Variants in LPP observed in about 807,000 individuals in gnomAD.
The protein encoded by LPP is lipoma-preferred partner.
A neutral mutation model predicts 60.4 loss-of-function variants in LPP; 38 were observed. That is an observed-to-expected ratio of 0.63 (90% CI 0.49 to 0.83). The LOEUF is 0.83. Ranked by LOEUF, LPP falls within the 40% of genes least tolerant of loss-of-function variation. The pLI is 0.00. For missense variants in LPP, 902 were observed against 783.6 expected, an observed-to-expected ratio of 1.15 and a Z score of -1.80; for synonymous variants, 328 against 290.8, an observed-to-expected ratio of 1.13 and a Z score of -1.30.
chr3:188,485,462 G>A (rs2149682205), intron 5 of LPP, among the ~76,000 whole-genome samples: 1 of 152,302 alleles, frequency 6.6e-6, no homozygotes, highest in South Asian at 2.1e-4. Flanking sequence ...AAAAAAATGA[G>A]TCTTCTTTGT....
rs1770113252 is a variant in LPP, at chr3:188,882,197, A to G, written c.*7718A>G. On this transcript the variant is annotated 3_prime_UTR_variant, in exon 12 of 12. Transcript: ENST00000617246. ...CAGTGACATTAGTAAGACTTTATGG[A>G]GTACATAAAATTTGATAAGAAATCT... 1 of 215,496 alleles carries G rather than the reference A, an allele frequency of 4.6e-6. No homozygotes were observed. 13.3% of individuals were successfully genotyped at this position (215,496 alleles called of 1,614,324 possible).
chr3:188,496,837 G>A (rs1011001175), intron 5 of LPP, among the ~76,000 whole-genome samples: 3 of 152,060 alleles, frequency 2.0e-5, no homozygotes, highest in African/African-American at 7.2e-5. Flanking sequence ...GCACTGTGGT[G>A]GAAAATACAG....
intron 1 of LPP, among the ~76,000 whole-genome samples, chr3:188,220,661 C>A (rs980139776): frequency 6.6e-6 from 1 of 152,198 alleles, no homozygotes; most frequent in African/African-American, 2.4e-5. Flanking sequence ...AGCCTGTCTC[C>A]AGACCAGCTT....
chr3:188,653,262 C>T (rs1382369799), intron 7 of LPP, among the ~76,000 whole-genome samples: 1 of 152,184 alleles, frequency 6.6e-6, no homozygotes, highest in Non-Finnish European at 1.5e-5. Flanking sequence ...CATCACAGGA[C>T]TTCCCTCATT....
chr3:188,318,002 C>CTCT (rs1380100673), intron 2 of LPP, among the ~76,000 whole-genome samples: 1 of 152,118 alleles, frequency 6.6e-6, no homozygotes, highest in African/African-American at 2.4e-5. Context: ...GGAGGACAGG[C>CTCT]AGACACAAAT....
intron 7 of LPP, among the ~76,000 whole-genome samples, chr3:188,630,663 G>A (rs113748268): frequency 0.012 from 1,792 of 152,232 alleles, 30 homozygotes; most frequent in African/African-American, 0.04. Context: ...TGGTGCAAAA[G>A]TAATTGTGGT....
chr3:188,527,950 T>C (rs1340840816), intron 6 of LPP, among the ~76,000 whole-genome samples: 1 of 152,058 alleles, frequency 6.6e-6, no homozygotes, highest in East Asian at 1.9e-4. Context: ...ATCTACTTTA[T>C]AAAAAATCCT....
intron 9 of LPP, among the ~76,000 whole-genome samples, chr3:188,849,103 C>G (rs1762166332): frequency 6.6e-6 from 1 of 152,224 alleles, no homozygotes; most frequent in South Asian, 2.1e-4. Flanking sequence ...GTGAGCGAGG[C>G]CCAGCTTTCT....
chr3:188,554,159 A>T (rs1255979874), intron 6 of LPP: 1 of 152,106 alleles, frequency 6.6e-6, no homozygotes, highest in Non-Finnish European at 1.5e-5. Flanking sequence ...TTTTTAAAAA[A>T]AAGAAAGATT....
At chr3:188,171,158 A>G (rs1361438996) in intron 1 of LPP, among the ~76,000 whole-genome samples, 1 of 152,218 alleles carries the variant, frequency 6.6e-6, no homozygotes, top group Non-Finnish European at 1.5e-5. Flanking sequence ...CCTTTTAACT[A>G]GAAAATGTTG....
chr3:188,181,740 G>A (rs1405802939), intron 1 of LPP, among the ~76,000 whole-genome samples: 1 of 152,068 alleles, frequency 6.6e-6, no homozygotes, highest in Non-Finnish European at 1.5e-5. Flanking sequence ...TTACTTTTTA[G>A]AGACAGGGTC....
At position 188,609,719 on chromosome 3, in the gene LPP, C is replaced by T; in HGVS notation, c.988C>T (p.Pro330Ser). 1 of 1,614,088 alleles carries T rather than the reference C, an allele frequency of 6.2e-7. No individual in the cohort carries two copies. The highest frequency in any genetic ancestry group is 2.2e-5 in the East Asian group (1 of 44,874). ...QGHPNTWKRE[P>S]GYTPPGAGNQ... ...TCACCCAAATACCTGGAAACGGGAA[C>T]CAGGGTACACTCCTCCTGGAGCAGG... Residue 330 changes from proline to serine, a missense_variant, in exon 7 of 12, where the codon CCA becomes TCA. Pro to Ser is a moderately conservative substitution (Grantham distance 74). Transcript: ENST00000617246. This position sits in a 1 kb window ranked among gnomAD's most constrained non-coding sequence, Gnocchi z 6.9.
intron 1 of LPP, among the ~76,000 whole-genome samples, chr3:188,196,672 T>G (rs1729629233): frequency 6.6e-6 from 1 of 152,220 alleles, no homozygotes; most frequent in African/African-American, 2.4e-5. Flanking sequence ...TTTAAAATCC[T>G]TCAATGCTTT....
chr3:188,541,170 GACGCTAAAGCATGTA>G (rs1423717277), intron 6 of LPP, among the ~76,000 whole-genome samples: 69 of 152,294 alleles, frequency 4.5e-4, no homozygotes, highest in Admixed American at 1.0e-3. Flanking sequence ...CACCTACCCA[GACGCTAAAGCATGTA>G]AAGCAATAGT....
intron 5 of LPP, among the ~76,000 whole-genome samples, chr3:188,495,083 T>TATATATATATATATATATATTTATTTA (rs57578460): frequency 3.9e-5 from 3 of 77,790 alleles, no homozygotes; most frequent in African/African-American, 2.6e-4. Flanking sequence ...TATATATATA[T>TATATATATATATATATATATTTATTTA]TTTATTTATA....
At chr3:188,202,051 G>C (rs559442802) in intron 1 of LPP, among the ~76,000 whole-genome samples, 2 of 151,582 alleles carry the variant, frequency 1.3e-5, no homozygotes, top group Non-Finnish European at 2.9e-5. Context: ...TAGAAGCTTC[G>C]GTCCCGGTTG....
At chr3:188,554,268 T>G (rs562949634) in intron 6 of LPP, among the ~76,000 whole-genome samples, 2 of 152,246 alleles carry the variant, frequency 1.3e-5, no homozygotes, top group East Asian at 3.9e-4. Context: ...AAACCTTCTA[T>G]CCCCTACTTT....
At chr3:188,648,995 C>G (rs1851599563) in intron 7 of LPP, among the ~76,000 whole-genome samples, 2 of 152,198 alleles carry the variant, frequency 1.3e-5, no homozygotes, top group Non-Finnish European at 2.9e-5. Context: ...GATTCTAATT[C>G]TGGCATATGA....
At chr3:188,705,996 G>A (rs1026745600) in intron 7 of LPP, among the ~76,000 whole-genome samples, 1 of 152,172 alleles carries the variant, frequency 6.6e-6, no homozygotes, top group Non-Finnish European at 1.5e-5. Context: ...AAGGTTGTGT[G>A]TAATATATCT....
Sources: allele counts gnomAD v4.1 joint callset (sites outside exome capture counted in the v4.1 genomes callset), GRCh38; gene constraint gnomAD v4.1.1; non-coding constraint Gnocchi (gnomAD v3.1); transcripts MANE v1.5; gene names NCBI Gene and HGNC (gene_info 2026-07-23, HGNC 2026-07-21).